ZPBP: variants seen among roughly 807,000 people sequenced by gnomAD.
The protein encoded by ZPBP is zona pellucida-binding protein 1.
ZPBP carries 26 observed loss-of-function variants against 44.8 expected under a neutral mutation model. That is an observed-to-expected ratio of 0.58 (90% CI 0.43 to 0.81). The LOEUF (loss-of-function observed/expected upper bound fraction) is 0.81, where lower values mean the gene tolerates loss of function less well. Ranked by LOEUF, ZPBP falls within the 30% of genes least tolerant of loss-of-function variation. ZPBP has a pLI of 0.00. For missense variants in ZPBP, 409 were observed against 434.0 expected (o/e 0.94, Z 0.51); for synonymous variants, 174 against 153.2 (o/e 1.14, Z -1.00).
At chr7:49,894,912 T>C (rs1346924009) in intron 2 of ZPBP, among the ~76,000 whole-genome samples, 2 of 152,214 alleles carry the variant, frequency 1.3e-5, no homozygotes, top group Non-Finnish European at 2.9e-5. Flanking sequence ...AGCCTCTGCA[T>C]TGCAGGAGAC....
chr7:49,882,534 C>T (rs556052759), intron 2 of ZPBP, among the ~76,000 whole-genome samples: 1 of 151,800 alleles, frequency 6.6e-6, no homozygotes, highest in African/African-American at 2.4e-5. Flanking sequence ...CAGAGGGACA[C>T]ACAGAGAGAG....
chr7:49,887,121 G>C (rs1049967451), intron 2 of ZPBP, among the ~76,000 whole-genome samples: 1 of 152,024 alleles, frequency 6.6e-6, no homozygotes, highest in African/African-American at 2.4e-5. Flanking sequence ...TATCGACAAG[G>C]GTTTGTATAT....
intron 5 of ZPBP, among the ~76,000 whole-genome samples, chr7:50,018,983 T>G (rs1798954397): frequency 6.6e-6 from 1 of 152,032 alleles, no homozygotes; most frequent in African/African-American, 2.4e-5. Context: ...CTGAGAAATG[T>G]TCCTATTGTA....
intron 3 of ZPBP, among the ~76,000 whole-genome samples, chr7:50,075,622 C>CAACT (rs1668925779): frequency 6.6e-6 from 1 of 151,868 alleles, no homozygotes; most frequent in South Asian, 2.1e-4. Flanking sequence ...TTACTATGAG[C>CAACT]AACTATATGC....
At chr7:50,005,821 ATATGTGTGTGTGTGTGTGTG>A (rs1462565854) in intron 6 of ZPBP, among the ~76,000 whole-genome samples, 1 of 105,912 alleles carries the variant, frequency 9.4e-6, no homozygotes, top group Non-Finnish European at 1.9e-5. Context: ...TCATAACTAT[ATATGTGTGTGTGTGTGTGTG>A]TGTGTGTGTG....
chr7:49,927,783 T>C (rs1794299018), intron 1 of ZPBP, among the ~76,000 whole-genome samples: 1 of 152,062 alleles, frequency 6.6e-6, no homozygotes, highest in African/African-American at 2.4e-5. Context: ...ATTACATGAG[T>C]ATGAGCCCAC....
chr7:50,014,225 A>G (rs1013218722), intron 6 of ZPBP, among the ~76,000 whole-genome samples: 25 of 152,074 alleles, frequency 1.6e-4, no homozygotes, highest in Non-Finnish European at 3.7e-4. Flanking sequence ...TCCTAACCCA[A>G]GCAGTCCTTT....
At chr7:49,875,955 C>T (rs372176446) in intron 2 of ZPBP, among the ~76,000 whole-genome samples, 74 of 152,152 alleles carry the variant, frequency 4.9e-4, no homozygotes, top group African/African-American at 1.6e-3. Flanking sequence ...AAGAATGAGT[C>T]GAAGAAATTG....
intron 1 of ZPBP, among the ~76,000 whole-genome samples, chr7:49,901,410 T>C (rs1349689804): frequency 1.3e-5 from 2 of 151,942 alleles, no homozygotes; most frequent in Admixed American, 1.3e-4. Flanking sequence ...TCCTATATAC[T>C]AGCAAATGAC....
At chr7:50,054,958 T>A (rs936679335) in intron 4 of ZPBP, among the ~76,000 whole-genome samples, 7 of 152,140 alleles carry the variant, frequency 4.6e-5, no homozygotes, top group African/African-American at 1.7e-4. Flanking sequence ...TAATTTATTA[T>A]ATTGGCAACA....
intron 2 of ZPBP, among the ~76,000 whole-genome samples, chr7:49,893,207 T>G (rs1258021789): frequency 1.3e-5 from 2 of 152,106 alleles, no homozygotes; most frequent in African/African-American, 2.4e-5. Flanking sequence ...TAAATCAACT[T>G]GAAAGGATTG....
chr7:49,964,364 A>G (rs1350923987), intron 7 of ZPBP, among the ~76,000 whole-genome samples: 1 of 152,022 alleles, frequency 6.6e-6, no homozygotes, highest in Non-Finnish European at 1.5e-5. Context: ...TTTAATGACC[A>G]TATGATTATT....
At chr7:49,890,498 A>G (rs1297976960) in intron 2 of ZPBP, among the ~76,000 whole-genome samples, 1 of 152,184 alleles carries the variant, frequency 6.6e-6, no homozygotes, top group East Asian at 1.9e-4. Context: ...TCCCTACTGA[A>G]CTATAGAATC....
chr7:49,945,099 G>C (rs997680499), intron 7 of ZPBP, among the ~76,000 whole-genome samples: 40 of 152,036 alleles, frequency 2.6e-4, no homozygotes, highest in African/African-American at 9.4e-4. Context: ...TTTCTTCATT[G>C]AGCCACTGGT....
intron 7 of ZPBP, among the ~76,000 whole-genome samples, chr7:49,957,466 C>A (rs1795658276): frequency 6.6e-6 from 1 of 152,160 alleles, no homozygotes; most frequent in Admixed American, 6.5e-5. Context: ...TCTCAGGTCT[C>A]TGTTCCCTGC....
In ZPBP at chr7:49,883,178, C is replaced by T. The variant is rs370744200; in HGVS notation, n.509+17940G>A. On this transcript the variant is annotated intron_variant and non_coding_transcript_variant, in intron 2 of 2. Coordinates refer to the ZPBP transcript ENST00000465922. ...TGTCAGACCTTTATGCAGGTTTGAG[C>T]TTGAGGAGAAGCAGGCAATGAAGTC... 1.5e-3 allele frequency among the ~76,000 whole-genome samples: 232 copies of T among 152,090 alleles called. 3 individuals carry two copies. Among genetic ancestry groups the T allele is most frequent in the African/African-American group, 5.4e-3 (222 of 41,492 alleles).
At chr7:49,979,215 G>A (rs545372493) in intron 7 of ZPBP, among the ~76,000 whole-genome samples, 38 of 151,932 alleles carry the variant, frequency 2.5e-4, no homozygotes, top group South Asian at 4.2e-4. Flanking sequence ...CACCGAGAAA[G>A]CCGTATCACA....
At chr7:50,016,774 A>C (rs761730703) in intron 6 of ZPBP, among the ~76,000 whole-genome samples, 2 of 152,144 alleles carry the variant, frequency 1.3e-5, no homozygotes, top group Admixed American at 6.6e-5. Flanking sequence ...ATAACTGACT[A>C]ATGTTTATCA....
At chr7:49,849,976 C>G (rs1375719259), downstream of ZPBP, among the ~76,000 whole-genome samples, 3 of 152,184 alleles carry the variant, frequency 2.0e-5, no homozygotes, top group African/African-American at 7.2e-5. Flanking sequence ...AGTACCACAG[C>G]AGGGTGTGGA....
Sources: allele counts gnomAD v4.1 joint callset (sites outside exome capture counted in the v4.1 genomes callset), GRCh38; gene constraint gnomAD v4.1.1; transcripts MANE v1.5; gene names NCBI Gene and HGNC (gene_info 2026-07-23, HGNC 2026-07-21).